Variants in ARL15 observed in about 807,000 individuals in gnomAD.
ARL15 encodes ADP-ribosylation factor-like protein 15.
In ARL15, 19 loss-of-function variants were observed where a neutral mutation model predicts 25.2. That is an observed-to-expected ratio of 0.75 (90% CI 0.53 to 1.10). ARL15 has a LOEUF of 1.10. Ranked by LOEUF, ARL15 falls within the 50% of genes least tolerant of loss-of-function variation. The probability of loss-of-function intolerance (pLI) is 0.00; values close to 1 mark genes in which losing one functional copy is unlikely to be tolerated. For missense variants in ARL15, 220 were observed against 246.0 expected (o/e 0.89, Z 0.71); for synonymous variants, 94 against 86.8 (o/e 1.08, Z -0.46).
intron 4 of ARL15, among the ~76,000 whole-genome samples, chr5:54,001,334 A>G (rs957935675): frequency 4.6e-5 from 7 of 152,206 alleles, no homozygotes; most frequent in African/African-American, 4.8e-5. Context: ...AGTGCCTAAC[A>G]GAGTGCTAAG....
chr5:54,123,083 TACTC>T (rs763512639), intron 3 of ARL15, among the ~76,000 whole-genome samples: 3 of 151,920 alleles, frequency 2.0e-5, no homozygotes, highest in African/African-American at 4.8e-5. Flanking sequence ...AAAGAACTCT[TACTC>T]ACACCCTCTC....
chr5:54,167,972 T>C (rs191128284), intron 2 of ARL15, among the ~76,000 whole-genome samples: 69 of 152,324 alleles, frequency 4.5e-4, no homozygotes, highest in Admixed American at 2.9e-3. Flanking sequence ...TTTACCTTAT[T>C]TGACTGGTTC....
chr5:53,911,124 T>A (rs1003770760), intron 4 of ARL15, among the ~76,000 whole-genome samples: 3 of 152,218 alleles, frequency 2.0e-5, no homozygotes, highest in Non-Finnish European at 2.9e-5. Flanking sequence ...CTTACTATTT[T>A]GAGGGCTTCT....
At position 54,284,418 on chromosome 5, in the gene ARL15, A is replaced by G. The variant is rs574280077; in HGVS notation, c.48+26014T>C. ...TCACACCCAGCCCTCTAACTTGTTT[A>G]AAAATTGTTGTGTGTCTCTCACAGC... On this transcript the variant is annotated intron_variant, in intron 1 of 4. Transcript: ENST00000504924. 1.8e-4 allele frequency among the ~76,000 whole-genome samples: 27 copies of G among 152,290 alleles called. No homozygotes were observed. In the East Asian group the frequency reaches 1.9e-3, roughly 11 times the overall value.
intron 1 of ARL15, among the ~76,000 whole-genome samples, chr5:54,234,089 T>C (rs2112561016): frequency 6.6e-6 from 1 of 152,268 alleles, no homozygotes; most frequent in East Asian, 1.9e-4. Context: ...TCTGCTTCCC[T>C]GATTCAAGCA....
At chr5:54,301,373 AT>A (rs1758612838) in intron 1 of ARL15, among the ~76,000 whole-genome samples, 1 of 152,174 alleles carries the variant, frequency 6.6e-6, no homozygotes, top group Non-Finnish European at 1.5e-5. Flanking sequence ...TGCATATATG[AT>A]AAAAAGCCAA....
At chr5:54,159,190 C>G (rs1754329328) in intron 2 of ARL15, among the ~76,000 whole-genome samples, 1 of 152,104 alleles carries the variant, frequency 6.6e-6, no homozygotes, top group South Asian at 2.1e-4. Context: ...CCATTGCTTT[C>G]TTATTAATGA....
rs538008504 is a variant in ARL15, at chr5:54,010,563, C to A, written c.462+102639G>T. ...ACCAGACTTGGCTCTGAATAACCGC[C>A]AGCTAAATAAAAAATAATAATAACC... On this transcript the variant is annotated intron_variant, in intron 4 of 4. Transcript: ENST00000504924. Among the ~76,000 whole-genome samples the A allele has an allele frequency of 1.2e-4, 19 of 152,194 alleles. No homozygotes were observed. In the South Asian group the frequency reaches 3.9e-3, roughly 32 times the overall value.
chr5:54,027,758 T>C (rs546396647), intron 4 of ARL15, among the ~76,000 whole-genome samples: 1 of 152,238 alleles, frequency 6.6e-6, no homozygotes, highest in East Asian at 1.9e-4. Flanking sequence ...GGACCTATTA[T>C]TTAATCAAAG....
intron 4 of ARL15, among the ~76,000 whole-genome samples, chr5:54,056,202 A>G (rs2112009351): frequency 6.6e-6 from 1 of 152,312 alleles, no homozygotes; most frequent in Non-Finnish European, 1.5e-5. Context: ...ACATGGGGAT[A>G]ATATCACACT....
intron 3 of ARL15, among the ~76,000 whole-genome samples, chr5:54,142,457 CA>C (rs1753803641): frequency 6.6e-6 from 1 of 152,094 alleles, no homozygotes; most frequent in Non-Finnish European, 1.5e-5. Context: ...ACGACAGAGA[CA>C]AAGTAAAGAT....
chr5:53,961,164 A>C (rs530225031), intron 4 of ARL15, among the ~76,000 whole-genome samples: 1 of 152,262 alleles, frequency 6.6e-6, no homozygotes, highest in East Asian at 1.9e-4. Flanking sequence ...GATTAGGAAA[A>C]ACATTAATAA....
chr5:54,228,605 A>C (rs1756588157), intron 1 of ARL15, among the ~76,000 whole-genome samples: 1 of 151,922 alleles, frequency 6.6e-6, no homozygotes, highest in Admixed American at 6.6e-5. Flanking sequence ...TTTTGCAATA[A>C]AAATTTATAG....
At chr5:54,267,516 G>A (rs953530797) in intron 1 of ARL15, among the ~76,000 whole-genome samples, 1 of 152,082 alleles carries the variant, frequency 6.6e-6, no homozygotes, top group African/African-American at 2.4e-5. Flanking sequence ...TTGATAAGTT[G>A]CATAAGGACA....
chr5:54,307,274 C>G (rs1443912923), intron 1 of ARL15, among the ~76,000 whole-genome samples: 1 of 152,156 alleles, frequency 6.6e-6, no homozygotes, highest in Non-Finnish European at 1.5e-5. Flanking sequence ...CTGCATTCCC[C>G]TGAACAAAAC....
intron 4 of ARL15, among the ~76,000 whole-genome samples, chr5:53,932,052 G>C (rs1032427575): frequency 6.6e-6 from 1 of 152,190 alleles, no homozygotes; most frequent in African/African-American, 2.4e-5. Flanking sequence ...CTAGAAATTA[G>C]TTCACACTTT....
At chr5:53,940,668 T>C (rs1235542558) in intron 4 of ARL15, among the ~76,000 whole-genome samples, 1 of 152,192 alleles carries the variant, frequency 6.6e-6, no homozygotes, top group Non-Finnish European at 1.5e-5. Flanking sequence ...CAATTATGGA[T>C]TTTTTAAGAA....
At chr5:54,079,894 C>A (rs1227187624) in intron 4 of ARL15, among the ~76,000 whole-genome samples, 1 of 151,648 alleles carries the variant, frequency 6.6e-6, no homozygotes, top group Non-Finnish European at 1.5e-5. Flanking sequence ...CACTTGAACC[C>A]GGGAGGCGGA....
intron 4 of ARL15, among the ~76,000 whole-genome samples, chr5:54,089,079 C>T (rs577454793): frequency 6.6e-6 from 1 of 152,224 alleles, no homozygotes; most frequent in East Asian, 1.9e-4. Context: ...CAAAGTAATG[C>T]TATTCAAAGT....
Sources: gnomAD v4.1 joint callset for allele counts (sites outside exome capture counted in the v4.1 genomes callset) on GRCh38, gnomAD v4.1.1 for gene constraint, MANE v1.5 for transcripts, NCBI Gene and HGNC (gene_info 2026-07-23, HGNC 2026-07-21) for gene names.